RBFOX1: variants seen among roughly 807,000 people sequenced by gnomAD.
RBFOX1 encodes RNA binding protein fox-1 homolog 1.
Under a neutral mutation model 57.7 loss-of-function variants are expected in RBFOX1, and 8 were observed. The ratio of observed to expected loss-of-function variants is 0.14; its 90% CI spans 0.08 to 0.25. The LOEUF (loss-of-function observed/expected upper bound fraction) is 0.25. RBFOX1 is among the 10% of genes least tolerant of loss of function. The pLI is 1.00. For missense variants in RBFOX1, 611 were observed against 548.5 expected (o/e 1.11, Z -1.14); for synonymous variants, 326 against 222.4 (o/e 1.47, Z -4.15).
chr16:7,573,268 C>T (rs2092978282), intron 5 of RBFOX1, among the ~76,000 whole-genome samples: 1 of 152,054 alleles, frequency 6.6e-6, no homozygotes, highest in Admixed American at 6.6e-5. Context: ...GGCCAACAAG[C>T]GACAATGGGA....
chr16:7,494,148 G>T (rs894386437), intron 4 of RBFOX1, among the ~76,000 whole-genome samples: 5 of 152,154 alleles, frequency 3.3e-5, no homozygotes, highest in African/African-American at 9.7e-5. Flanking sequence ...TAATTCACAT[G>T]GCCCCACTTT....
intron 3 of RBFOX1, among the ~76,000 whole-genome samples, chr16:5,700,090 C>T (rs2050989433): frequency 6.6e-6 from 1 of 152,154 alleles, no homozygotes; most frequent in Non-Finnish European, 1.5e-5. Context: ...CCTTGGCCTC[C>T]CAAAGTGCTG....
chr16:6,811,285 A>C (rs1250443236), intron 3 of RBFOX1, among the ~76,000 whole-genome samples: 4 of 152,220 alleles, frequency 2.6e-5, no homozygotes, highest in Non-Finnish European at 5.9e-5. Context: ...AGAGAAATAG[A>C]ATTACCTCTC....
In RBFOX1 at chr16:6,549,690, A is replaced by T. The variant is rs559539285; in HGVS notation, c.-63-104913A>T. On this transcript the variant is annotated intron_variant, in intron 2 of 15. Coordinates refer to ENST00000550418, the MANE Select transcript of RBFOX1 (RefSeq NM_018723.4). ...GCAAATCCCTAGACGATAGGGCTGG[A>T]GTCTTCTGAGTGGCTGGTCTCCAGC... Among the ~76,000 whole-genome samples, 21 of 152,164 alleles carry T rather than the reference A, an allele frequency of 1.4e-4. No individual in the cohort carries two copies. In the East Asian group the frequency reaches 4.1e-3, roughly 30 times the overall value.
At chr16:6,548,051 G>T (rs192241978) in intron 2 of RBFOX1, among the ~76,000 whole-genome samples, 4 of 152,134 alleles carry the variant, frequency 2.6e-5, no homozygotes, top group Admixed American at 6.5e-5. Flanking sequence ...ATTCATCGTA[G>T]TAAGAATTGC....
At chr16:5,515,337 C>A (rs1405616569) in intron 2 of RBFOX1, among the ~76,000 whole-genome samples, 1 of 152,210 alleles carries the variant, frequency 6.6e-6, no homozygotes. Context: ...TGCTGCAAAG[C>A]CCCCACCTCA....
intron 4 of RBFOX1, among the ~76,000 whole-genome samples, chr16:5,894,253 A>G (rs879528505): frequency 2.6e-5 from 4 of 152,214 alleles, no homozygotes; most frequent in Non-Finnish European, 5.9e-5. Context: ...CGTAGAATCA[A>G]ACATAATTAA....
At chr16:5,448,897 A>C (rs566099733) in intron 1 of RBFOX1, among the ~76,000 whole-genome samples, 2 of 152,156 alleles carry the variant, frequency 1.3e-5, no homozygotes, top group South Asian at 4.2e-4. Flanking sequence ...TCCGCCTGCT[A>C]CCTGCCTCTT....
intron 3 of RBFOX1, among the ~76,000 whole-genome samples, chr16:5,811,069 C>T (rs898550705): frequency 6.6e-6 from 1 of 151,770 alleles, no homozygotes; most frequent in Non-Finnish European, 1.5e-5. Flanking sequence ...CAGACAACCA[C>T]TGATCTGCTT....
rs2059399160 is a variant in RBFOX1 at position 5,946,315 on chromosome 16, G to A, written c.351+78980G>A. On this transcript the variant is annotated intron_variant, in intron 4 of 19. Coordinates refer to the RBFOX1 transcript ENST00000641259. This position sits in a 1 kb window ranked among gnomAD's most constrained non-coding sequence, Gnocchi z 4.6. ...CCCTCATAGGGTTATTTGAGGCTCA[G>A]ACTAAATGGATGTGAGTGTGTCTTC... is the stretch of plus-strand genomic sequence containing the variant. Among the ~76,000 whole-genome samples the A allele has an allele frequency of 6.6e-6, 1 of 152,192 alleles. No homozygotes were observed. Among genetic ancestry groups the A allele is most frequent in the African/African-American group, 2.4e-5 (1 of 41,442 alleles).
chr16:6,791,376 A>C (rs1028208764), intron 3 of RBFOX1, among the ~76,000 whole-genome samples: 3 of 152,196 alleles, frequency 2.0e-5, no homozygotes, highest in Admixed American at 2.0e-4. Context: ...CTTTCCAGGC[A>C]GGACTGGCTG....
At chr16:7,704,865 A>G (rs1321761400) in intron 14 of RBFOX1, among the ~76,000 whole-genome samples, 1 of 151,970 alleles carries the variant, frequency 6.6e-6, no homozygotes, top group Non-Finnish European at 1.5e-5. Context: ...AGCCTGGGCA[A>G]CATGGTGAAA....
intron 4 of RBFOX1, among the ~76,000 whole-genome samples, chr16:7,383,120 G>C (rs895908751): frequency 6.6e-6 from 1 of 152,014 alleles, no homozygotes; most frequent in Non-Finnish European, 1.5e-5. Flanking sequence ...GGTGTTCATG[G>C]TACAGTCTTG....
intron 1 of RBFOX1, among the ~76,000 whole-genome samples, chr16:6,096,775 C>A (rs1340450300): frequency 6.6e-6 from 1 of 152,168 alleles, no homozygotes; most frequent in Non-Finnish European, 1.5e-5. Flanking sequence ...AGATAATACC[C>A]TTGATTATCT....
intron 1 of RBFOX1, among the ~76,000 whole-genome samples, chr16:5,255,799 T>C (rs576362144): frequency 7.2e-5 from 11 of 152,148 alleles, no homozygotes; most frequent in Non-Finnish European, 1.3e-4. Flanking sequence ...TGGGGAGGTA[T>C]CTGCTCTAGT....
At chr16:6,757,847 C>T (rs1012613065) in intron 3 of RBFOX1, among the ~76,000 whole-genome samples, 1 of 152,108 alleles carries the variant, frequency 6.6e-6, no homozygotes, top group African/African-American at 2.4e-5. Flanking sequence ...ATGGATACCC[C>T]CAATTACCCT....
intron 3 of RBFOX1, among the ~76,000 whole-genome samples, chr16:5,613,586 C>T (rs2047904683): frequency 2.0e-5 from 3 of 152,080 alleles, no homozygotes; most frequent in African/African-American, 7.2e-5. Context: ...ATAAAGACGC[C>T]AGCATGTCAA....
chr16:7,022,016 C>G (rs1448782202), intron 3 of RBFOX1, among the ~76,000 whole-genome samples: 1 of 8,518 alleles, frequency 1.2e-4, no homozygotes, highest in Non-Finnish European at 1.9e-4. Context: ...CTCCCCTTCC[C>G]TTCCCCCTCC....
At chr16:6,747,666 C>G (rs902854774) in intron 3 of RBFOX1, among the ~76,000 whole-genome samples, 2 of 152,168 alleles carry the variant, frequency 1.3e-5, no homozygotes, top group African/African-American at 2.4e-5. Context: ...CACACCACCC[C>G]TACTATGTCC....
Sources: gnomAD v4.1 joint callset for allele counts (sites outside exome capture counted in the v4.1 genomes callset) on GRCh38, gnomAD v4.1.1 for gene constraint, Gnocchi (gnomAD v3.1) non-coding constraint, MANE v1.5 for transcripts, NCBI Gene and HGNC (gene_info 2026-07-23, HGNC 2026-07-21) for gene names.